PCNX2: variants seen among roughly 807,000 people sequenced by gnomAD.
PCNX2 encodes pecanex-like protein 2.
PCNX2 carries 168 observed loss-of-function variants against 223.8 expected under a neutral mutation model. That is an observed-to-expected ratio of 0.75 (90% CI 0.66 to 0.85). The LOEUF is 0.85. Among genes scored for constraint, PCNX2 ranks in the 40% least tolerant of loss-of-function variants. PCNX2 has a pLI of 0.00. For missense variants in PCNX2, 2,507 were observed against 2,675.5 expected (o/e 0.94, Z 1.39); for synonymous variants, 1,006 against 1,052.6 (o/e 0.96, Z 0.86).
chr1:233,302,559 G>A, the PCNX2 span, among the ~76,000 whole-genome samples: 3 of 149,870 alleles, frequency 2.0e-5, no homozygotes, highest in African/African-American at 7.4e-5. Context: ...TGTTTCTCTT[G>A]TACTGTGTCT....
chr1:233,280,268 G>A (rs530748203), intron 1 of PCNX2, among the ~76,000 whole-genome samples: 2 of 148,262 alleles, frequency 1.3e-5, no homozygotes, highest in Admixed American at 6.7e-5. Context: ...CTTGAGAATG[G>A]TTATTTATTT....
At chr1:233,079,306 CGAGGTCAGGAGTTT>C (rs1558211208) in intron 23 of PCNX2, among the ~76,000 whole-genome samples, 1 of 151,968 alleles carries the variant, frequency 6.6e-6, no homozygotes, top group Non-Finnish European at 1.5e-5. Flanking sequence ...GAGCAGATCA[CGAGGTCAGGAGTTT>C]GAGACCAGAC....
intron 15 of PCNX2, among the ~76,000 whole-genome samples, chr1:233,191,192 C>T (rs1441382924): frequency 1.3e-5 from 2 of 152,290 alleles, no homozygotes; most frequent in Non-Finnish European, 2.9e-5. Context: ...GGGCGTTCAG[C>T]ATTTGTCAAA....
chr1:233,004,285 T>C (rs1670199569), intron 28 of PCNX2, among the ~76,000 whole-genome samples: 1 of 152,158 alleles, frequency 6.6e-6, no homozygotes, highest in African/African-American at 2.4e-5. Context: ...CCTAGGTTTT[T>C]CCTGCCGTGC....
intron 17 of PCNX2, among the ~76,000 whole-genome samples, chr1:233,163,119 T>C (rs1412188965): frequency 6.8e-6 from 1 of 147,000 alleles, no homozygotes; most frequent in Non-Finnish European, 1.5e-5. Context: ...TCTCCACCCA[T>C]TTCTTTCCTA....
At chr1:233,275,226 T>C (rs901922523) in intron 1 of PCNX2, among the ~76,000 whole-genome samples, 3 of 152,148 alleles carry the variant, frequency 2.0e-5, no homozygotes, top group Non-Finnish European at 4.4e-5. Context: ...GTCTCTTTGA[T>C]GGAGTCTCGA....
At chr1:233,015,717 A>G (rs564675556) in intron 27 of PCNX2, among the ~76,000 whole-genome samples, 7 of 152,074 alleles carry the variant, frequency 4.6e-5, no homozygotes, top group Admixed American at 3.3e-4. Flanking sequence ...ATAAAAAAAT[A>G]TAATAAATTA....
At position 233,082,127 on chromosome 1, in the gene PCNX2, G is replaced by C. The variant is rs146161324; in HGVS notation, c.4076+7934C>G. ...AGCTGCTCACTTGTTCTGTGACCTT[G>C]GGCAAGTTCTTTAACTTCCTTGAGT... On this transcript the variant is annotated intron_variant, in intron 23 of 33. Coordinates refer to ENST00000258229, the MANE Select transcript of PCNX2 (RefSeq NM_014801.4). 2.0e-5 allele frequency among the ~76,000 whole-genome samples: 3 copies of C among 152,174 alleles called. No homozygotes were observed. In the East Asian group the frequency reaches 5.8e-4, roughly 29 times the overall value.
chr1:233,118,488 C>A lies in PCNX2; in HGVS notation c.3837+16525G>T, dbSNP rs528051668. On this transcript the variant is annotated intron_variant, in intron 21 of 33. Transcript: ENST00000258229. ...ACCTACATAGAAAATCTCAAGGCACCTACAAAAAAAAAAAAAAAAAAAACC... is the reference window on the plus strand; with the variant it reads ...ACCTACATAGAAAATCTCAAGGCACATACAAAAAAAAAAAAAAAAAAAACC... Among the ~76,000 whole-genome samples, 10 of 72,880 alleles carry A rather than the reference C, an allele frequency of 1.4e-4. No homozygotes were observed. The South Asian group carries it at 3.9e-3, about 28-fold the overall frequency. 47.8% of individuals were successfully genotyped at this position (72,880 alleles called of 152,430 possible).
chr1:233,268,775 C>G (rs1386781412), intron 1 of PCNX2, among the ~76,000 whole-genome samples: 1 of 152,204 alleles, frequency 6.6e-6, no homozygotes, highest in East Asian at 1.9e-4. Context: ...GGATGATTCT[C>G]TCTACATAGC....
In PCNX2 at chr1:233,129,057, TG is replaced by T. The variant is rs898720459; in HGVS notation, c.3837+5955del. On this transcript the variant is annotated intron_variant, in intron 21 of 33. Coordinates refer to ENST00000258229, the MANE Select transcript of PCNX2 (RefSeq NM_014801.4). ...AGCCCTTCAGCCCGCCACTGCGCTG[TG>T]GGGGCCCCTCTCTGGGGTGGTTGAA... is the stretch of plus-strand genomic sequence containing the variant. Among the ~76,000 whole-genome samples the T allele has an allele frequency of 3.9e-5, 6 of 152,294 alleles. No individual in the cohort carries two copies. The East Asian group carries it at 1.2e-3, about 30-fold the overall frequency.
chr1:233,170,577 G>A (rs975128926), intron 17 of PCNX2, among the ~76,000 whole-genome samples: 1 of 151,976 alleles, frequency 6.6e-6, no homozygotes, highest in African/African-American at 2.4e-5. Flanking sequence ...ATAAATCAAA[G>A]GTCATAATTT....
chr1:233,261,469 T>C (rs747768937), intron 3 of PCNX2, 148 bp from the exon 4 acceptor site: 1 of 696,792 alleles, frequency 1.4e-6, no homozygotes, highest in Admixed American at 2.7e-5. Context: ...TAAGCTTCTA[T>C]AAAATGGGGC....
At chr1:233,034,489 G>GGTATA (rs1032136695) in intron 25 of PCNX2, among the ~76,000 whole-genome samples, 1 of 152,170 alleles carries the variant, frequency 6.6e-6, no homozygotes, top group Non-Finnish European at 1.5e-5. Flanking sequence ...CCCAGTCTAT[G>GGTATA]GTATAGTTGA....
At chr1:233,081,994 TTGTGTGTGTG>T (rs57675075) in intron 23 of PCNX2, among the ~76,000 whole-genome samples, 3 of 148,286 alleles carry the variant, frequency 2.0e-5, no homozygotes, top group Non-Finnish European at 4.5e-5. Context: ...CTGTGTGTGT[TTGTGTGTGTG>T]TGTGTGTGTG....
intron 1 of PCNX2, chr1:233,289,157 T>C (rs2103027327): frequency 1.2e-6 from 1 of 846,334 alleles, no homozygotes; most frequent in Non-Finnish European, 2.1e-6. Flanking sequence ...GGATTCTCCT[T>C]TAAGCGATAA....
chr1:233,213,579 A>G (rs2102920438), intron 12 of PCNX2, among the ~76,000 whole-genome samples: 1 of 152,328 alleles, frequency 6.6e-6, no homozygotes, highest in African/African-American at 2.4e-5. Flanking sequence ...TTTACTTACA[A>G]AAAATAATCT....
At chr1:233,033,078 T>C (rs1671326774) in intron 25 of PCNX2, 11 of 985,388 alleles carry the variant, frequency 1.1e-5, no homozygotes, top group Non-Finnish European at 1.3e-5. Flanking sequence ...CCACACAGTG[T>C]GACCTTTCGA....
At chr1:233,279,583 C>T (rs1661086083) in intron 1 of PCNX2, among the ~76,000 whole-genome samples, 1 of 152,052 alleles carries the variant, frequency 6.6e-6, no homozygotes, top group South Asian at 2.1e-4. Context: ...CCACCCTAGG[C>T]TGATATTTAT....
Sources: gnomAD v4.1 joint callset for allele counts (sites outside exome capture counted in the v4.1 genomes callset) on GRCh38, gnomAD v4.1.1 for gene constraint, MANE v1.5 for transcripts, NCBI Gene and HGNC (gene_info 2026-07-23, HGNC 2026-07-21) for gene names.